DDX6: variants seen among roughly 807,000 people sequenced by gnomAD.
DDX6 encodes the protein probable ATP-dependent RNA helicase DDX6.
DDX6 carries 7 observed loss-of-function variants against 60.6 expected under a neutral mutation model. The observed-to-expected ratio is 0.12, with a 90% CI of 0.07 to 0.22. DDX6 has a LOEUF of 0.22. Among genes scored for constraint, DDX6 ranks in the 10% least tolerant of loss-of-function variants. The pLI is 1.00. For synonymous variants in DDX6, 207 were observed against 201.0 expected, an observed-to-expected ratio of 1.03 and a Z score of -0.25; for missense variants, 270 against 589.9, an observed-to-expected ratio of 0.46 and a Z score of 5.62.
At chr11:118,752,293 T>C (rs965457418) in intron 13 of DDX6, among the ~76,000 whole-genome samples, 196 bp from the exon 14 acceptor site, 6 of 152,160 alleles carry the variant, frequency 3.9e-5, no homozygotes, top group African/African-American at 1.4e-4. Flanking sequence ...CCTGAATGAA[T>C]GTGAATGTTC....
At chr11:118,788,422 G>C (rs1280731824) in intron 1 of DDX6, 1 of 152,220 alleles carries the variant, frequency 6.6e-6, no homozygotes, top group African/African-American at 2.4e-5. Flanking sequence ...TTTTGAGACA[G>C]AATCTTGCAC....
chr11:118,778,268 A>G (rs1456549390), intron 4 of DDX6, among the ~76,000 whole-genome samples: 1 of 152,190 alleles, frequency 6.6e-6, no homozygotes, highest in Non-Finnish European at 1.5e-5. Flanking sequence ...TGAATTGCAA[A>G]TCACAAGATA....
chr11:118,752,896 C>T (rs377609070), intron 13 of DDX6, among the ~76,000 whole-genome samples: 17 of 151,906 alleles, frequency 1.1e-4, no homozygotes, highest in East Asian at 5.8e-4. Flanking sequence ...TGAAACCAGC[C>T]GGGGCAACAT....
At chr11:118,784,571 G>A (rs1373024754) in intron 2 of DDX6, among the ~76,000 whole-genome samples, 4 of 151,416 alleles carry the variant, frequency 2.6e-5, no homozygotes, top group South Asian at 4.2e-4. Flanking sequence ...TGATTCTCCC[G>A]CCTCAGCCTC....
At position 118,751,599 on chromosome 11, in the gene DDX6, T is replaced by C. The variant is rs1465592076; in HGVS notation, c.*506A>G. On this transcript the variant is annotated 3_prime_UTR_variant, in exon 14 of 14. Coordinates refer to ENST00000534980, the MANE Select transcript of DDX6 (RefSeq NM_004397.6). ...AGAAAGAGTTACTATTGTTGATTCC[T>C]CGGGCTGTGTCTAAAAGATGATATT... 5.2e-5 allele frequency: 8 copies of C among 154,030 alleles called. No homozygotes were observed. Among genetic ancestry groups the C allele is most frequent in the African/African-American group, 1.7e-4 (7 of 41,434 alleles). The allele number at this position is 154,030 out of a possible 1,614,324, so 9.5% of individuals were successfully genotyped here.
rs572156573 is a variant in DDX6, at chr11:118,750,025, A to C, written c.*2080T>G. The C allele has an allele frequency of 2.0e-5, 3 of 152,738 alleles. No homozygotes were observed. Among genetic ancestry groups the C allele is most frequent in the South Asian group, 4.1e-4 (2 of 4,826 alleles). 9.5% of individuals were successfully genotyped at this position (152,738 alleles called of 1,614,324 possible). A position where few individuals can be genotyped will look rare whatever the true frequency, so the allele number is the denominator to read the frequency against. On this transcript the variant is annotated 3_prime_UTR_variant, in exon 14 of 14. Transcript: ENST00000534980. ...CTCCAAGGAATTGTGGGTGAGTCGCAAATAGTTTGCTCAGAAGTAGGCAGA... is the reference window on the plus strand; with the variant it reads ...CTCCAAGGAATTGTGGGTGAGTCGCCAATAGTTTGCTCAGAAGTAGGCAGA...
rs184561528 is a variant in DDX6 at position 118,751,765 on chromosome 11, G to C, written c.*340C>G. 2 of 333,136 alleles carry C rather than the reference G, an allele frequency of 6.0e-6. No individual in the cohort carries two copies. Among genetic ancestry groups the C allele is most frequent in the African/African-American group, 4.4e-5 (2 of 45,212 alleles). 20.6% of individuals were successfully genotyped at this position (333,136 alleles called of 1,614,324 possible). ...GAATTTTGAAATCATTGACAAGCTT[G>C]TGTGTTCATTAAGATTCTTCTCTTT... is the stretch of plus-strand genomic sequence containing the variant. On this transcript the variant is annotated 3_prime_UTR_variant, in exon 14 of 14. Transcript: ENST00000534980.
intron 7 of DDX6, among the ~76,000 whole-genome samples, chr11:118,762,210 AG>A (rs1357389419): frequency 6.6e-6 from 1 of 151,038 alleles, no homozygotes; most frequent in Non-Finnish European, 1.5e-5. Context: ...GGGGAGGCAG[AG>A]GTTGTAGTGA....
intron 2 of DDX6, among the ~76,000 whole-genome samples, chr11:118,784,339 A>G (rs924807823): frequency 6.6e-6 from 1 of 152,134 alleles, no homozygotes; most frequent in Admixed American, 6.6e-5. Flanking sequence ...GGTAGCTTGT[A>G]TAAGCTATTT....
At chr11:118,752,653 TTAAA>T (rs1199139427) in intron 13 of DDX6, among the ~76,000 whole-genome samples, 1 of 152,176 alleles carries the variant, frequency 6.6e-6, no homozygotes, top group Non-Finnish European at 1.5e-5. Context: ...ATTAGGTTAC[TTAAA>T]TAGGTAAGAT....
In DDX6 at chr11:118,751,752, CATT is replaced by C; in HGVS notation, c.*350_*352del. The stretch of plus-strand genomic sequence containing the variant: ...GTCAGCTGTTGGAGAATTTTGAAAT[CATT>C]GACAAGCTTGTGTGTTCATTAAGAT... On this transcript the variant is annotated 3_prime_UTR_variant, in exon 14 of 14. Transcript: ENST00000534980. The C allele has an allele frequency of 3.3e-6, 1 of 300,398 alleles. No homozygotes were observed. The highest frequency in any genetic ancestry group is 6.5e-6 in the Non-Finnish European group (1 of 152,816). The allele number at this position is 300,398 out of a possible 1,614,324, so 18.6% of individuals were successfully genotyped here. A position where few individuals can be genotyped will look rare whatever the true frequency, so the allele number is the denominator to read the frequency against.
At chr11:118,784,819 T>C (rs1025614603) in intron 2 of DDX6, among the ~76,000 whole-genome samples, 3 of 151,700 alleles carry the variant, frequency 2.0e-5, no homozygotes, top group African/African-American at 7.3e-5. Context: ...TGGTGCAATC[T>C]CGGCTCACTG....
intron 13 of DDX6, among the ~76,000 whole-genome samples, chr11:118,754,183 A>G (rs1555158151): frequency 3.3e-5 from 5 of 152,218 alleles, no homozygotes; most frequent in Non-Finnish European, 7.3e-5. Flanking sequence ...TAATCCTAAC[A>G]CTTTGGGAAG....
intron 4 of DDX6, among the ~76,000 whole-genome samples, chr11:118,778,824 C>T (rs1326952353): frequency 6.6e-6 from 1 of 152,014 alleles, no homozygotes; most frequent in Non-Finnish European, 1.5e-5. Flanking sequence ...GCTGAGAAAG[C>T]CTACCTTGAA....
intron 13 of DDX6, 167 bp downstream of exon 13, chr11:118,754,538 G>A: frequency 3.8e-6 from 2 of 530,070 alleles, no homozygotes; most frequent in East Asian, 6.6e-5. Context: ...ATTCTCGAAT[G>A]AGACTACAAC....
At chr11:118,762,132 G>A (rs1341439061) in intron 7 of DDX6, among the ~76,000 whole-genome samples, 2 of 151,704 alleles carry the variant, frequency 1.3e-5, no homozygotes, top group Non-Finnish European at 2.9e-5. Context: ...AGAATTAGCT[G>A]AGCGTGGGTG....
chr11:118,761,571 C>T (rs576491009), intron 7 of DDX6, among the ~76,000 whole-genome samples: 5 of 152,004 alleles, frequency 3.3e-5, no homozygotes, highest in African/African-American at 9.6e-5. Context: ...GAGCTGAGAT[C>T]GCACCACTGC....
At chr11:118,772,020 G>GT (rs58143939) in intron 4 of DDX6, among the ~76,000 whole-genome samples, 10 of 151,260 alleles carry the variant, frequency 6.6e-5, no homozygotes, top group East Asian at 1.9e-4. Flanking sequence ...TTCCTTCTAT[G>GT]TTTTTTTTTA....
Position 118,759,905 on chromosome 11 carries a change from T to C in DDX6, c.864+17A>G, listed in dbSNP as rs781896723. 3 of 1,606,526 alleles carry C rather than the reference T, an allele frequency of 1.9e-6. No individual in the cohort carries two copies. The Admixed American group carries it at 5.2e-5, about 28-fold the overall frequency. On this transcript the variant is annotated intron_variant, in intron 8 of 13. Coordinates refer to ENST00000534980, the MANE Select transcript of DDX6 (RefSeq NM_004397.6). ...GTCACAGGATGGCACTGATTCCAAG[T>C]ACAGATTTATACTCACCATGAACTT...
Sources: gnomAD v4.1 joint callset for allele counts (sites outside exome capture counted in the v4.1 genomes callset) on GRCh38, gnomAD v4.1.1 for gene constraint, MANE v1.5 for transcripts, NCBI Gene and HGNC (gene_info 2026-07-23, HGNC 2026-07-21) for gene names.